AKT3: variants seen among roughly 807,000 people sequenced by gnomAD.
AKT3 encodes the protein AKT serine/threonine kinase 3, also known as RAC-gamma serine/threonine-protein kinase.
In AKT3, 15 loss-of-function variants were observed where a neutral mutation model predicts 65.3. The observed-to-expected ratio is 0.23, with a 90% CI of 0.15 to 0.35. The LOEUF is 0.35. Ranked by LOEUF, AKT3 falls within the 10% of genes least tolerant of loss-of-function variation. The pLI, the probability that AKT3 is intolerant of heterozygous loss-of-function variation, is 1.00. For synonymous variants in AKT3, 206 were observed against 183.8 expected, an observed-to-expected ratio of 1.12 and a Z score of -0.98; for missense variants, 243 against 576.5, an observed-to-expected ratio of 0.42 and a Z score of 5.92.
At chr1:243,690,523 T>G (rs561356354) in intron 3 of AKT3, among the ~76,000 whole-genome samples, 82 of 152,284 alleles carry the variant, frequency 5.4e-4, no homozygotes, top group Admixed American at 1.5e-3. Flanking sequence ...TTACTTACAT[T>G]TCTACAGCAC....
At chr1:243,765,919 T>C (rs1339563290) in intron 2 of AKT3, among the ~76,000 whole-genome samples, 1 of 152,186 alleles carries the variant, frequency 6.6e-6, no homozygotes, top group South Asian at 2.1e-4. Flanking sequence ...AAAGGGCACC[T>C]GTGAATTATA....
chr1:243,601,896 C>G (rs1295243532), intron 8 of AKT3, among the ~76,000 whole-genome samples: 1 of 152,110 alleles, frequency 6.6e-6, no homozygotes, highest in Non-Finnish European at 1.5e-5. Context: ...TCAGGGTTTC[C>G]AATTATACAT....
At chr1:243,796,303 T>C (rs1405373153) in intron 2 of AKT3, among the ~76,000 whole-genome samples, 3 of 152,238 alleles carry the variant, frequency 2.0e-5, no homozygotes, top group Non-Finnish European at 4.4e-5. Context: ...GAGAGAGCTC[T>C]TTTGAAATCA....
intron 1 of AKT3, among the ~76,000 whole-genome samples, chr1:243,848,396 T>G (rs1464225364): frequency 6.6e-6 from 1 of 152,226 alleles, no homozygotes; most frequent in Non-Finnish European, 1.5e-5. Context: ...ATTTTAATTA[T>G]AAAATATTTT....
chr1:243,639,519 T>C (rs945465254), intron 5 of AKT3, among the ~76,000 whole-genome samples: 1 of 152,144 alleles, frequency 6.6e-6, no homozygotes, highest in African/African-American at 2.4e-5. Context: ...GTGATGAAAG[T>C]GACCTCCGGT....
At chr1:243,776,271 A>C (rs981623942) in intron 2 of AKT3, among the ~76,000 whole-genome samples, 2 of 152,238 alleles carry the variant, frequency 1.3e-5, no homozygotes, top group Non-Finnish European at 2.9e-5. Flanking sequence ...TTAGAGGCAC[A>C]CTGCTGCATG....
At chr1:243,564,408 AAG>A (rs1243279908) in intron 9 of AKT3, among the ~76,000 whole-genome samples, 2 of 152,312 alleles carry the variant, frequency 1.3e-5, no homozygotes, top group Non-Finnish European at 2.9e-5. Flanking sequence ...TAAAAAGAAA[AAG>A]AATATCAAAG....
chr1:243,613,118 TATATAC>T (rs1236444252), intron 8 of AKT3: 13 of 146,250 alleles, frequency 8.9e-5, no homozygotes, highest in African/African-American at 3.0e-4. Flanking sequence ...CCCACCCATA[TATATAC>T]ATATACATAT....
chr1:243,606,799 G>A (rs1031959779), intron 8 of AKT3, among the ~76,000 whole-genome samples: 5 of 152,218 alleles, frequency 3.3e-5, no homozygotes, highest in Non-Finnish European at 2.9e-5. Flanking sequence ...ACAGTTTTGT[G>A]GGCCAGGGCC....
intron 11 of AKT3, among the ~76,000 whole-genome samples, chr1:243,550,789 C>CAAAAAAACAAAAA (rs1673002059): frequency 3.0e-5 from 1 of 33,690 alleles, no homozygotes; most frequent in Non-Finnish European, 5.0e-5. Context: ...ACTAAAATAC[C>CAAAAAAACAAAAA]AAAAAAAAAA....
Position 243,552,756 on chromosome 1 carries a change from C to T in AKT3, c.1136G>A (p.Gly379Glu). Residue 379 changes from glycine to glutamate, a missense_variant, in exon 11 of 14, where the codon GGG becomes GAG. By Grantham distance (98) the Gly-to-Glu change is moderately conservative (BLOSUM62 -2). Coordinates refer to ENST00000673466, the MANE Select transcript of AKT3 (RefSeq NM_005465.7). ...TTTATTTGGATCCTTTATCAAGAGC[C>T]CTGAAAGCAATGATTTTGCATCTGA... ...LSSDAKSLLS[G>E]LLIKDPNKRL... The T allele has an allele frequency of 1.2e-6, 2 of 1,613,782 alleles. No homozygotes were observed. The highest frequency in any genetic ancestry group is 8.5e-7 in the Non-Finnish European group (1 of 1,179,922).
At position 243,670,054 on chromosome 1, in the gene AKT3, T is replaced by C. The variant is rs377496856; in HGVS notation, c.173-5171A>G. On this transcript the variant is annotated intron_variant, in intron 3 of 13. Coordinates refer to ENST00000673466, the MANE Select transcript of AKT3 (RefSeq NM_005465.7). ...TGGTACACACCATACTACTGATCAT[T>C]CTACCCATGTAATTATAAAGTAGTA... Among the ~76,000 whole-genome samples, 9 of 152,218 alleles carry C rather than the reference T, an allele frequency of 5.9e-5. No homozygotes were observed. The East Asian group carries it at 1.3e-3, about 23-fold the overall frequency.
chr1:243,533,225 A>C (rs1007866248), intron 12 of AKT3, among the ~76,000 whole-genome samples: 4 of 152,156 alleles, frequency 2.6e-5, no homozygotes, highest in Non-Finnish European at 4.4e-5. Flanking sequence ...AGATATAACA[A>C]TACTACAATT....
intron 2 of AKT3, among the ~76,000 whole-genome samples, chr1:243,757,311 A>G (rs1254130439): frequency 6.6e-6 from 1 of 152,214 alleles, no homozygotes; most frequent in Non-Finnish European, 1.5e-5. Context: ...TCACTCTCAA[A>G]TGGTTCATTA....
At chr1:243,778,833 A>T (rs765429877) in intron 2 of AKT3, among the ~76,000 whole-genome samples, 2 of 152,198 alleles carry the variant, frequency 1.3e-5, no homozygotes, top group African/African-American at 4.8e-5. Context: ...CAATATAAGC[A>T]AATACAACTA....
At chr1:243,615,822 C>G (rs1678260255) in intron 6 of AKT3, among the ~76,000 whole-genome samples, 1 of 152,054 alleles carries the variant, frequency 6.6e-6, no homozygotes, top group Non-Finnish European at 1.5e-5. Context: ...ACCTTGAACT[C>G]CTGGACTCAA....
intron 13 of AKT3, among the ~76,000 whole-genome samples, chr1:243,508,550 C>A (rs1669813735): frequency 6.6e-6 from 1 of 152,102 alleles, no homozygotes; most frequent in African/African-American, 2.4e-5. Flanking sequence ...TTGCGGTGTG[C>A]CCTGTCAGAA....
rs181562859 is a variant in AKT3 at position 243,572,679 on chromosome 1, C to T, written c.819+247G>A. On this transcript the variant is annotated intron_variant, in intron 9 of 13. Transcript: ENST00000673466. ...ATTTATTTGACTTAATCACGTTTAA[C>T]ATTTTTATTTGATCCAAGCAGTCGG... Among the ~76,000 whole-genome samples the T allele has an allele frequency of 2.6e-5, 4 of 152,208 alleles. No homozygotes were observed. In the East Asian group the frequency reaches 7.7e-4, roughly 29 times the overall value.
chr1:243,565,923 T>C lies in AKT3; in HGVS notation c.820-2075A>G, dbSNP rs72761603. ...TCTTTAGTGAATACTCTTTTACTAA[T>C]ATAATACATTAACAATTCTTATAAA... On this transcript the variant is annotated intron_variant, in intron 9 of 13. Transcript: ENST00000673466. 4.8e-3 allele frequency among the ~76,000 whole-genome samples: 738 copies of C among 152,322 alleles called. 2 individuals are homozygous for C. Among genetic ancestry groups the C allele is most frequent in the Non-Finnish European group, 8.0e-3 (544 of 68,024 alleles).
Sources: allele counts gnomAD v4.1 joint callset (sites outside exome capture counted in the v4.1 genomes callset), GRCh38; gene constraint gnomAD v4.1.1; transcripts MANE v1.5; gene names NCBI Gene and HGNC (gene_info 2026-07-23, HGNC 2026-07-21).